The following PPM1N variants were observed in gnomAD, a reference collection of about 807,000 sequenced individuals.
PPM1N encodes the protein protein phosphatase, Mg2+/Mn2+ dependent 1N (putative).
A neutral mutation model predicts 32.6 loss-of-function variants in PPM1N; 35 were observed. That is an observed-to-expected ratio of 1.07 (90% CI 0.82 to 1.43). The LOEUF (loss-of-function observed/expected upper bound fraction) is 1.43, where lower values mean the gene tolerates loss of function less well. PPM1N is among the 40% of genes most tolerant of loss of function. PPM1N has a pLI of 0.00. For synonymous variants in PPM1N, 275 were observed against 270.5 expected (o/e 1.02, Z -0.16); for missense variants, 648 against 606.6 (o/e 1.07, Z -0.72).
chr19:45,498,891 T>A lies in PPM1N; in HGVS notation c.419T>A (p.Leu140Gln). ...PSEPEGVREALRRAFLSADER... is the reference protein window; with the variant it reads ...PSEPEGVREAQRRAFLSADER... ...GAGCCCGAGGGCGTGCGCGAGGCGC[T>A]GCGCCGAGCCTTCTTGAGCGCCGAC... The change falls in exon 1 of 5, where the codon CTG (leucine) becomes CAG (glutamine). Residue 140 changes from leucine (L) to glutamine (Q), a missense_variant. Physicochemically the swap from Leu to Gln is moderately radical, Grantham distance 113. Coordinates refer to ENST00000451287, the MANE Select transcript of PPM1N (RefSeq NM_001080401.2). 2 of 1,520,092 alleles carry A rather than the reference T, an allele frequency of 1.3e-6. No individual in the cohort carries two copies. The highest frequency in any genetic ancestry group is 1.7e-6 in the Non-Finnish European group (2 of 1,143,514). 94.2% of individuals were successfully genotyped at this position (1,520,092 alleles called of 1,614,324 possible). A position where few individuals can be genotyped will look rare whatever the true frequency, so the allele number is the denominator to read the frequency against.
chr19:45,502,016 G>A lies in PPM1N; in HGVS notation c.1225-1G>A. Reference sequence around the variant, plus strand: ...ACCTTCTCCCACATTTTGTGTTACAGAAGGGGCAGGATGGGGCTGGGAAGT... The same window carrying A: ...ACCTTCTCCCACATTTTGTGTTACAAAAGGGGCAGGATGGGGCTGGGAAGT... On this transcript the variant is annotated splice_acceptor_variant, in intron 4 of 4. Coordinates refer to ENST00000451287, the MANE Select transcript of PPM1N (RefSeq NM_001080401.2). LOFTEE classifies it high-confidence loss of function. 6.7e-7 allele frequency: 1 copy of A among 1,501,590 alleles called. No homozygotes were observed. The highest frequency in any genetic ancestry group is 8.8e-7 in the Non-Finnish European group (1 of 1,130,960). The allele number at this position is 1,501,590 out of a possible 1,614,324, so 93.0% of individuals were successfully genotyped here. A position where few individuals can be genotyped will look rare whatever the true frequency, so the allele number is the denominator to read the frequency against.
Position 45,498,662 on chromosome 19 carries a change from G to T in PPM1N, c.190G>T (p.Gly64Cys), listed in dbSNP as rs931213459. 6 of 1,434,810 alleles carry T rather than the reference G, an allele frequency of 4.2e-6. No homozygotes were observed. The African/African-American group carries it at 6.0e-5, about 14-fold the overall frequency. 88.9% of individuals were successfully genotyped at this position (1,434,810 alleles called of 1,614,324 possible). Residue 64 changes from glycine to cysteine, a missense_variant, in exon 1 of 5, where the codon GGC becomes TGC. Physicochemically the swap from Gly to Cys is radical, Grantham distance 159. Coordinates refer to ENST00000451287, the MANE Select transcript of PPM1N (RefSeq NM_001080401.2). ...RPHGGAEASG[G>C]LRFGASAAQG... ...GCACGGGGGTGCCGAGGCGTCTGGG[G>T]GCCTGCGCTTCGGGGCGAGCGCAGC...
At position 45,500,077 on chromosome 19, in the gene PPM1N, T is replaced by A. The variant is rs1312079425; in HGVS notation, c.1057+11T>A. ...GCTGCAGAATCGCTGGTGAGCAGACTCTGGGGGCCCAGCTGGAGGGGTGGT... is the reference window on the plus strand; with the variant it reads ...GCTGCAGAATCGCTGGTGAGCAGACACTGGGGGCCCAGCTGGAGGGGTGGT... On this transcript the variant is annotated intron_variant, in intron 2 of 4. Transcript: ENST00000451287. 3 of 1,577,638 alleles carry A rather than the reference T, an allele frequency of 1.9e-6. No individual in the cohort carries two copies. The highest frequency in any genetic ancestry group is 2.6e-6 in the Non-Finnish European group (3 of 1,160,716).
intron 4 of PPM1N, 53 bp from the exon 5 acceptor site, chr19:45,501,964 C>A: frequency 8.3e-7 from 1 of 1,209,398 alleles, no homozygotes; most frequent in Non-Finnish European, 1.1e-6. Context: ...GGAAGAGGTG[C>A]CAGGAGACAA....
intron 1 of PPM1N, 149 bp downstream of exon 1, chr19:45,499,560 T>A (rs956335952): frequency 9.7e-6 from 15 of 1,549,824 alleles, no homozygotes; most frequent in Non-Finnish European, 1.3e-5. Context: ...TGGCCTGAAG[T>A]GGGCAGGGCC....
rs2122245078 is a variant in PPM1N at position 45,499,347 on chromosome 19, G to A, written c.875G>A (p.Arg292His). The A allele has an allele frequency of 6.2e-7, 1 of 1,612,248 alleles. No homozygotes were observed. Among genetic ancestry groups the A allele is most frequent in the East Asian group, 2.2e-5 (1 of 44,884 alleles). ...GCCCTGGCGGGACTGGTGGCTTCAC[G>A]CCTCCGCTTGGGCCTGGCCCCAGAG... ...GAALAGLVAS[R>H]LRLGLAPELL... Residue 292 changes from arginine to histidine, a missense_variant, in exon 1 of 5, where the codon CGC becomes CAC. By Grantham distance (29) the Arg-to-His change is conservative (BLOSUM62 0). Coordinates refer to ENST00000451287, the MANE Select transcript of PPM1N (RefSeq NM_001080401.2).
At chr19:45,501,869 C>A (rs570315319) in intron 4 of PPM1N, 148 bp from the exon 5 acceptor site, 1 of 486,164 alleles carries the variant, frequency 2.1e-6, no homozygotes, top group Non-Finnish European at 3.6e-6. Context: ...ATTGGCCAGG[C>A]TGGGGTCGCA....
rs1968434864 is a variant in PPM1N at position 45,502,487 on chromosome 19, C to T, written c.*402C>T. On this transcript the variant is annotated 3_prime_UTR_variant, in exon 5 of 5. Transcript: ENST00000451287. ...TTAAACTTTATTTACATAAGTGATTCCAAATACATTTTCTTGTAAAAAACA... is the reference window on the plus strand; with the variant it reads ...TTAAACTTTATTTACATAAGTGATTTCAAATACATTTTCTTGTAAAAAACA... 2.6e-6 allele frequency: 1 copy of T among 379,336 alleles called. No individual in the cohort carries two copies. Among genetic ancestry groups the T allele is most frequent in the African/African-American group, 2.1e-5 (1 of 46,986 alleles). The allele number at this position is 379,336 out of a possible 1,614,324, so 23.5% of individuals were successfully genotyped here. A position where few individuals can be genotyped will look rare whatever the true frequency, so the allele number is the denominator to read the frequency against.
chr19:45,502,310 A>C lies in PPM1N; in HGVS notation c.*225A>C, dbSNP rs925725010. The C allele has an allele frequency of 2.3e-5, 7 of 300,522 alleles. No homozygotes were observed. Among genetic ancestry groups the C allele is most frequent in the East Asian group, 8.2e-5 (1 of 12,150 alleles). 18.6% of individuals were successfully genotyped at this position (300,522 alleles called of 1,614,324 possible). A position where few individuals can be genotyped will look rare whatever the true frequency, so the allele number is the denominator to read the frequency against. On this transcript the variant is annotated 3_prime_UTR_variant, in exon 5 of 5. Transcript: ENST00000451287. ...CCAAAAAGAAAAAAGCCCAAATCGA[A>C]AAAAAAAAAAAAAAAAAAAAAAAAC...
chr19:45,501,407 G>C (rs1206162362), intron 4 of PPM1N, among the ~76,000 whole-genome samples: 1 of 152,174 alleles, frequency 6.6e-6, no homozygotes, highest in Non-Finnish European at 1.5e-5. Context: ...TGGGTTTAGA[G>C]CCCCAAGGCC....
chr19:45,501,847 T>C (rs1968418368), intron 4 of PPM1N, among the ~76,000 whole-genome samples, 170 bp from the exon 5 acceptor site: 1 of 152,106 alleles, frequency 6.6e-6, no homozygotes, highest in South Asian at 2.1e-4. Context: ...TGCTGACCAG[T>C]CACTGTGTCT....
rs1437156910 is a variant in PPM1N at position 45,499,973 on chromosome 19, A to C, written c.964A>C (p.Ile322Leu). 1.3e-6 allele frequency: 2 copies of C among 1,596,806 alleles called. No homozygotes were observed. Among genetic ancestry groups the C allele is most frequent in the East Asian group, 2.3e-5 (1 of 44,276 alleles). ...GGGCAGCCTGGACAACATGACCTGC[A>C]TCCTGGTCTGCTTCCCTGGGGCCCC... ...CKGSLDNMTC[I>L]LVCFPGAPRP... Residue 322 changes from isoleucine to leucine, a missense_variant, in exon 2 of 5, where the codon ATC (isoleucine) becomes CTC (leucine). By Grantham distance (5) the Ile-to-Leu change is conservative. Transcript: ENST00000451287.
rs1172673670 is a variant in PPM1N at position 45,500,079 on chromosome 19, T to G, written c.1057+13T>G. The G allele has an allele frequency of 1.3e-6, 2 of 1,575,248 alleles. No individual in the cohort carries two copies. The highest frequency in any genetic ancestry group is 2.7e-5 in the African/African-American group (2 of 73,748). The stretch of plus-strand genomic sequence containing the variant: ...TGCAGAATCGCTGGTGAGCAGACTC[T>G]GGGGGCCCAGCTGGAGGGGTGGTTG... On this transcript the variant is annotated intron_variant, in intron 2 of 4. Transcript: ENST00000451287.
At chr19:45,500,753 G>GAGC in intron 4 of PPM1N, 43 bp downstream of exon 4, 1 of 1,478,564 alleles carries the variant, frequency 6.8e-7, no homozygotes. Flanking sequence ...AGGAGGGGAC[G>GAGC]CCCCCCCGCC....
At position 45,502,407 on chromosome 19, in the gene PPM1N, A is replaced by C; in HGVS notation, c.*322A>C. 2.1e-6 allele frequency: 1 copy of C among 487,722 alleles called. No homozygotes were observed. 30.2% of individuals were successfully genotyped at this position (487,722 alleles called of 1,614,324 possible). A position where few individuals can be genotyped will look rare whatever the true frequency, so the allele number is the denominator to read the frequency against. ...TTCTGAGAGATAACCCAGTCCAATA[A>C]CCTCTTTCCTTCTTATTACTCATCT... On this transcript the variant is annotated 3_prime_UTR_variant, in exon 5 of 5. Transcript: ENST00000451287.
chr19:45,500,963 G>C (rs1568629525), intron 4 of PPM1N, among the ~76,000 whole-genome samples: 1 of 151,186 alleles, frequency 6.6e-6, no homozygotes, highest in Non-Finnish European at 1.5e-5. Flanking sequence ...GGATCCTCCT[G>C]CTTTGGCCTC....
At position 45,499,069 on chromosome 19, in the gene PPM1N, C is replaced by A; in HGVS notation, c.597C>A (p.Asp199Glu). The change falls in exon 1 of 5, where the codon GAC becomes GAA. Residue 199 changes from aspartate to glutamate, a missense_variant. Physicochemically the swap from Asp to Glu is conservative, Grantham distance 45. Transcript: ENST00000451287. ...RAGAVAFSTE[D>E]HRPLRPRERE... ...GCGCCGTGGCCTTCAGCACAGAGGA[C>A]CACCGGCCCCTTCGACCCCGGGAAC... is the stretch of plus-strand genomic sequence containing the variant. The A allele has an allele frequency of 6.6e-7, 1 of 1,520,138 alleles. No individual in the cohort carries two copies. Among genetic ancestry groups the A allele is most frequent in the Non-Finnish European group, 8.7e-7 (1 of 1,144,346 alleles). The allele number at this position is 1,520,138 out of a possible 1,614,324, so 94.2% of individuals were successfully genotyped here.
At chr19:45,499,677 T>C in intron 1 of PPM1N, 1 of 1,546,938 alleles carries the variant, frequency 6.5e-7, no homozygotes, top group Non-Finnish European at 8.7e-7. Context: ...TTCTGGGTCG[T>C]AGGAGCCGGG....
At chr19:45,500,307 G>T in intron 2 of PPM1N, 149 bp from the exon 3 acceptor site, 1 of 795,482 alleles carries the variant, frequency 1.3e-6, no homozygotes, top group African/African-American at 1.7e-5. Context: ...GCTAATTTTT[G>T]TATTGTTAGT....
Sources: allele counts gnomAD v4.1 joint callset (sites outside exome capture counted in the v4.1 genomes callset), GRCh38; gene constraint gnomAD v4.1.1; transcripts MANE v1.5; gene names NCBI Gene and HGNC (gene_info 2026-07-23, HGNC 2026-07-21).